The following FARP2 variants were observed in gnomAD, a reference collection of about 807,000 sequenced individuals.
FARP2 encodes FERM, ARH/RhoGEF and pleckstrin domain protein 2.
A neutral mutation model predicts 130.5 loss-of-function variants in FARP2; 111 were observed. That is an observed-to-expected ratio of 0.85 (90% confidence interval 0.73 to 1.00). FARP2 has a LOEUF of 1.00. FARP2 is among the 50% of genes least tolerant of loss of function. The probability of loss-of-function intolerance (pLI) is 0.00; values close to 1 mark genes in which losing one functional copy is unlikely to be tolerated. For synonymous variants in FARP2, 504 were observed against 516.9 expected (o/e 0.98, Z 0.34); for missense variants, 1,385 against 1,346.3 (o/e 1.03, Z -0.45).
intron 12 of FARP2, among the ~76,000 whole-genome samples, chr2:241,438,853 A>G (rs549793381): frequency 6.6e-6 from 1 of 151,650 alleles, no homozygotes; most frequent in Non-Finnish European, 1.5e-5. Flanking sequence ...GATGGTCTCA[A>G]TCTCCTGACC....
At chr2:241,465,710 T>C in intron 17 of FARP2, 2 of 1,550,892 alleles carry the variant, frequency 1.3e-6, no homozygotes, top group Non-Finnish European at 1.7e-6. Context: ...GCCCAAGGTG[T>C]GGAGCTCTGC....
intron 13 of FARP2, among the ~76,000 whole-genome samples, chr2:241,450,357 T>C (rs976074511): frequency 4.6e-5 from 7 of 150,540 alleles, no homozygotes; most frequent in Non-Finnish European, 1.0e-4. Flanking sequence ...TGCAAGACCC[T>C]GTCTCAACCA....
chr2:241,471,871 T>C (rs1333193040), intron 18 of FARP2, among the ~76,000 whole-genome samples: 2 of 151,922 alleles, frequency 1.3e-5, no homozygotes, highest in African/African-American at 4.8e-5. Flanking sequence ...AGGGAACCTG[T>C]TCTGTCAGGA....
At chr2:241,437,666 A>ATTTTTTTTTTTTTT (rs1243876155) in intron 12 of FARP2, among the ~76,000 whole-genome samples, 1 of 129,240 alleles carries the variant, frequency 7.7e-6, no homozygotes, top group Non-Finnish European at 1.7e-5. Context: ...TTATTTATTT[A>ATTTTTTTTTTTTTT]TTTATTTTTT....
At chr2:241,370,401 G>C (rs761045170) in intron 1 of FARP2, among the ~76,000 whole-genome samples, 1 of 152,068 alleles carries the variant, frequency 6.6e-6, no homozygotes, top group African/African-American at 2.4e-5. Flanking sequence ...ACTAATTTTT[G>C]TGGATTTTAA....
chr2:241,359,288 C>T (rs1300804719), intron 1 of FARP2, among the ~76,000 whole-genome samples: 1 of 152,062 alleles, frequency 6.6e-6, no homozygotes, highest in African/African-American at 2.4e-5. Flanking sequence ...ACAAAAAGGC[C>T]CTATAATGTT....
chr2:241,366,138 T>TATATATATATACGTATATATATACAC (rs1491421503), intron 1 of FARP2, among the ~76,000 whole-genome samples: 1 of 138,442 alleles, frequency 7.2e-6, no homozygotes, highest in Admixed American at 7.9e-5. Context: ...TATATATATA[T>TATATATATATACGTATATATATACAC]ACACACACAC....
At chr2:241,401,880 C>T (rs1448780489) in intron 2 of FARP2, among the ~76,000 whole-genome samples, 1 of 152,034 alleles carries the variant, frequency 6.6e-6, no homozygotes, top group Non-Finnish European at 1.5e-5. Flanking sequence ...ACATCCGCCT[C>T]CCGGGTTCAA....
At chr2:241,474,972 C>A (rs982095959) in intron 18 of FARP2, among the ~76,000 whole-genome samples, 2 of 152,258 alleles carry the variant, frequency 1.3e-5, no homozygotes, top group South Asian at 4.2e-4. Context: ...GGCCTCAGAG[C>A]TGGGCAGACC....
intron 2 of FARP2, among the ~76,000 whole-genome samples, 167 bp downstream of exon 2, chr2:241,373,457 T>C (rs907534912): frequency 6.6e-6 from 1 of 152,228 alleles, no homozygotes; most frequent in African/African-American, 2.4e-5. Flanking sequence ...TTTCTCCTTT[T>C]ATTTGGAAAG....
intron 19 of FARP2, among the ~76,000 whole-genome samples, chr2:241,476,766 A>G (rs947880723): frequency 1.3e-5 from 2 of 152,218 alleles, no homozygotes; most frequent in African/African-American, 4.8e-5. Context: ...CAAAAAATAT[A>G]TAATTGAGTG....
intron 17 of FARP2, chr2:241,466,696 C>CT (rs1471207889): frequency 4.4e-6 from 3 of 676,894 alleles, no homozygotes; most frequent in Non-Finnish European, 5.5e-6. Context: ...ACCACCCCCC[C>CT]CCCCACCACC....
intron 2 of FARP2, among the ~76,000 whole-genome samples, chr2:241,374,200 CAG>C (rs2150302874): frequency 6.6e-6 from 1 of 152,062 alleles, no homozygotes; most frequent in Non-Finnish European, 1.5e-5. Flanking sequence ...TTAGTAGAAA[CAG>C]GGTTTTGCCA....
rs537071976 is a variant in FARP2, at chr2:241,414,201, T to A, written c.623+780T>A. ...TCATCTCATCTTGTTTTGATTTCTCTAAGACTTGACACTGGTGGGTTTTTC... is the reference window on the plus strand; with the variant it reads ...TCATCTCATCTTGTTTTGATTTCTCAAAGACTTGACACTGGTGGGTTTTTC... On this transcript the variant is annotated intron_variant, in intron 7 of 26. Coordinates refer to ENST00000264042, the MANE Select transcript of FARP2 (RefSeq NM_014808.4). Among the ~76,000 whole-genome samples the A allele has an allele frequency of 2.6e-5, 4 of 152,304 alleles. No homozygotes were observed. The South Asian group carries it at 8.3e-4, about 32-fold the overall frequency.
intron 19 of FARP2, among the ~76,000 whole-genome samples, chr2:241,479,805 A>T (rs1389524273): frequency 6.6e-6 from 1 of 152,200 alleles, no homozygotes; most frequent in Non-Finnish European, 1.5e-5. Flanking sequence ...CGCTCCTGGC[A>T]TAGAGGTTGG....
intron 17 of FARP2, 116 bp from the exon 18 acceptor site, chr2:241,468,024 G>C (rs375559100): frequency 1.3e-6 from 1 of 767,752 alleles, no homozygotes; most frequent in Non-Finnish European, 2.3e-6. Context: ...TGGGCCACTG[G>C]TCCATTTGCC....
intron 8 of FARP2, among the ~76,000 whole-genome samples, chr2:241,424,931 A>G (rs1212022768): frequency 6.6e-6 from 1 of 152,194 alleles, no homozygotes; most frequent in Non-Finnish European, 1.5e-5. Context: ...GATGAGGGCT[A>G]GACACAGTGG....
chr2:241,399,208 A>G (rs144663649), intron 2 of FARP2, among the ~76,000 whole-genome samples: 139 of 152,260 alleles, frequency 9.1e-4, no homozygotes, highest in African/African-American at 3.3e-3. Context: ...TGAAGTGCCT[A>G]TTTAAGTCTT....
chr2:241,377,333 C>CTT (rs1258121395), intron 2 of FARP2, among the ~76,000 whole-genome samples: 35 of 129,698 alleles, frequency 2.7e-4, no homozygotes, highest in Non-Finnish European at 3.6e-4. Context: ...TTGTTGGTTT[C>CTT]TTTTTTTTTT....
Sources: allele counts gnomAD v4.1 joint callset (sites outside exome capture counted in the v4.1 genomes callset), GRCh38; gene constraint gnomAD v4.1.1; transcripts MANE v1.5; gene names NCBI Gene and HGNC (gene_info 2026-07-23, HGNC 2026-07-21).